The following LMNTD1 variants were observed in gnomAD, a reference collection of about 807,000 sequenced individuals.
LMNTD1 encodes lamin tail domain containing 1.
In LMNTD1, 35 loss-of-function variants were observed where a neutral mutation model predicts 50.9. The ratio of observed to expected loss-of-function variants is 0.69; its 90% CI spans 0.53 to 0.91. LMNTD1 has a LOEUF of 0.91. Ranked by LOEUF, LMNTD1 falls within the 40% of genes least tolerant of loss-of-function variation. LMNTD1 has a pLI of 0.00. For missense variants in LMNTD1, 470 were observed against 475.5 expected (o/e 0.99, Z 0.11); for synonymous variants, 153 against 161.9 (o/e 0.94, Z 0.42).
chr12:25,527,288 G>C (rs1941794592), intron 4 of LMNTD1, among the ~76,000 whole-genome samples: 1 of 151,812 alleles, frequency 6.6e-6, no homozygotes, highest in African/African-American at 2.4e-5. Context: ...ATTGAGACAT[G>C]AAACTCTCAA....
At position 25,519,586 on chromosome 12, in the gene LMNTD1, T is replaced by TAAAAA. The variant is rs781742784; in HGVS notation, c.1016+271_1016+272insTTTTT. Among the ~76,000 whole-genome samples the TAAAAA allele has an allele frequency of 7.7e-4, 58 of 74,934 alleles. 15 individuals carry two copies. Among genetic ancestry groups the TAAAAA allele is most frequent in the East Asian group, 3.0e-3 (6 of 1,988 alleles). The allele number at this position is 74,934 out of a possible 152,430, so 49.2% of individuals were successfully genotyped here. A position where few individuals can be genotyped will look rare whatever the true frequency, so the allele number is the denominator to read the frequency against. On this transcript the variant is annotated intron_variant, in intron 7 of 9. Transcript: ENST00000458174. Reference sequence around the variant, plus strand: ...CTGGGTGACAGAGCGAGACTCTGTCTCAAAAAAAAAAAAAAAAAAAAAGTG... The same window carrying TAAAAA: ...CTGGGTGACAGAGCGAGACTCTGTCTAAAAACAAAAAAAAAAAAAAAAAAAAAGTG...
chr12:25,525,363 CT>C (rs1215306508), intron 6 of LMNTD1, among the ~76,000 whole-genome samples: 1 of 152,046 alleles, frequency 6.6e-6, no homozygotes, highest in African/African-American at 2.4e-5. Flanking sequence ...ATATTAGTTC[CT>C]TGGTGCAGAT....
intron 6 of LMNTD1, 37 bp downstream of exon 6, chr12:25,526,061 TA>T (rs199719770): frequency 0.014 from 15,835 of 1,164,274 alleles, 7 homozygotes; most frequent in South Asian, 0.022. Flanking sequence ...GCACAATATT[TA>T]AAAAAAAAAA....
At chr12:25,549,868 C>A (rs1344091057) in intron 2 of LMNTD1, among the ~76,000 whole-genome samples, 1 of 152,100 alleles carries the variant, frequency 6.6e-6, no homozygotes, top group Non-Finnish European at 1.5e-5. Flanking sequence ...TCCTTCCAGG[C>A]TTTTAAATGT....
chr12:25,529,365 G>A (rs1177560519), intron 4 of LMNTD1, among the ~76,000 whole-genome samples: 1 of 152,040 alleles, frequency 6.6e-6, no homozygotes, highest in African/African-American at 2.4e-5. Context: ...CCTTCCTACT[G>A]AGCTTCGGAT....
chr12:25,528,555 T>C (rs1941977730), intron 4 of LMNTD1, among the ~76,000 whole-genome samples: 1 of 152,242 alleles, frequency 6.6e-6, no homozygotes, highest in Non-Finnish European at 1.5e-5. Flanking sequence ...AGTCAGCAAC[T>C]TCTGCCATCC....
chr12:25,539,069 T>C (rs1942851019), intron 4 of LMNTD1, among the ~76,000 whole-genome samples: 1 of 151,268 alleles, frequency 6.6e-6, no homozygotes, highest in South Asian at 2.1e-4. Flanking sequence ...CCCAGATTCA[T>C]AAAGCAAGTC....
At chr12:25,645,267 A>G (rs1947042901) in intron 1 of LMNTD1, among the ~76,000 whole-genome samples, 1 of 152,230 alleles carries the variant, frequency 6.6e-6, no homozygotes, top group Non-Finnish European at 1.5e-5. Context: ...GAAATGGGTC[A>G]TGAATTGTAA....
intron 1 of LMNTD1, among the ~76,000 whole-genome samples, chr12:25,596,622 G>A (rs1005676940): frequency 3.9e-5 from 6 of 152,052 alleles, no homozygotes; most frequent in Non-Finnish European, 7.4e-5. Flanking sequence ...ATCAAAGGCT[G>A]AGGGATTTCA....
At chr12:25,574,516 G>A (rs1944921477) in intron 1 of LMNTD1, among the ~76,000 whole-genome samples, 1 of 152,074 alleles carries the variant, frequency 6.6e-6, no homozygotes, top group South Asian at 2.1e-4. Flanking sequence ...ATGTGAGTAA[G>A]GCACTTGAAA....
chr12:25,515,638 G>A (rs974328330), intron 8 of LMNTD1, among the ~76,000 whole-genome samples: 3 of 152,012 alleles, frequency 2.0e-5, no homozygotes, highest in Non-Finnish European at 4.4e-5. Flanking sequence ...TAATATATGG[G>A]TGCTTTTAAC....
chr12:25,538,285 G>A (rs1465184398), intron 4 of LMNTD1, among the ~76,000 whole-genome samples: 2 of 143,694 alleles, frequency 1.4e-5, no homozygotes, highest in Non-Finnish European at 3.1e-5. Context: ...ATTCACCAAA[G>A]TTGAAATGAA....
At chr12:25,554,989 C>T (rs550772049), upstream of LMNTD1, among the ~76,000 whole-genome samples, 24 of 151,538 alleles carry the variant, frequency 1.6e-4, 1 homozygote, top group South Asian at 4.6e-3. Context: ...TCGCTTGAAC[C>T]GGGGATGTGG....
At chr12:25,525,301 A>G (rs1306804983) in intron 6 of LMNTD1, among the ~76,000 whole-genome samples, 2 of 152,170 alleles carry the variant, frequency 1.3e-5, no homozygotes, top group African/African-American at 4.8e-5. Context: ...TTAATTTTAT[A>G]AGGAGTAAAG....
At chr12:25,545,280 T>A (rs903228925) in intron 4 of LMNTD1, among the ~76,000 whole-genome samples, 1 of 151,682 alleles carries the variant, frequency 6.6e-6, no homozygotes, top group Non-Finnish European at 1.5e-5. Context: ...ATTGTCTCAT[T>A]ACCTCCTGAC....
At chr12:25,625,595 T>G (rs1416362779) in intron 1 of LMNTD1, among the ~76,000 whole-genome samples, 1 of 152,200 alleles carries the variant, frequency 6.6e-6, no homozygotes, top group Non-Finnish European at 1.5e-5. Context: ...AGCCCCCTGC[T>G]CAAGTGCCTT....
chr12:25,561,701 A>G (rs1042617234), intron 1 of LMNTD1, among the ~76,000 whole-genome samples: 2 of 151,810 alleles, frequency 1.3e-5, no homozygotes, highest in African/African-American at 4.8e-5. Flanking sequence ...ATCCTTGTTA[A>G]CTTTCTGTCT....
chr12:25,511,451 G>T (rs1344850590), intron 8 of LMNTD1, among the ~76,000 whole-genome samples: 1 of 152,102 alleles, frequency 6.6e-6, no homozygotes, highest in Non-Finnish European at 1.5e-5. Context: ...ATGATGAGTT[G>T]TTCTGAACAT....
At chr12:25,568,533 A>G (rs1944653608) in intron 1 of LMNTD1, among the ~76,000 whole-genome samples, 1 of 152,200 alleles carries the variant, frequency 6.6e-6, no homozygotes, top group Non-Finnish European at 1.5e-5. Flanking sequence ...AGCCAAGACA[A>G]TAGGGAAAAG....
Sources: gnomAD v4.1 joint callset for allele counts (sites outside exome capture counted in the v4.1 genomes callset) on GRCh38, gnomAD v4.1.1 for gene constraint, MANE v1.5 for transcripts, NCBI Gene and HGNC (gene_info 2026-07-23, HGNC 2026-07-21) for gene names.